The following MAD1L1 variants were observed in gnomAD, a reference collection of about 807,000 sequenced individuals.
MAD1L1 encodes the protein mitotic spindle assembly checkpoint protein MAD1.
Under a neutral mutation model 96.9 loss-of-function variants are expected in MAD1L1, and 95 were observed. That is an observed-to-expected ratio of 0.98 (90% confidence interval 0.83 to 1.16). MAD1L1 has a LOEUF of 1.16. Among genes scored for constraint, MAD1L1 ranks in the 50% most tolerant of loss-of-function variants. The pLI is 0.00. For missense variants in MAD1L1, 1,007 were observed against 954.4 expected, an observed-to-expected ratio of 1.06 and a Z score of -0.73; for synonymous variants, 473 against 396.6, an observed-to-expected ratio of 1.19 and a Z score of -2.29.
intron 14 of MAD1L1, among the ~76,000 whole-genome samples, chr7:1,981,613 C>T (rs55790766): frequency 0.16 from 24,843 of 152,096 alleles, 2,645 homozygotes; most frequent in South Asian, 0.31. Context: ...CACTCCGTCA[C>T]GAAGGGAGGA....
chr7:1,856,496 C>G (rs1290562496), intron 18 of MAD1L1, among the ~76,000 whole-genome samples: 2 of 152,262 alleles, frequency 1.3e-5, no homozygotes, highest in Non-Finnish European at 1.5e-5. Context: ...CGCTGGCCAG[C>G]TGTCGGCTAA....
At chr7:2,213,779 G>C (rs1274456734) in intron 9 of MAD1L1, among the ~76,000 whole-genome samples, 1 of 152,214 alleles carries the variant, frequency 6.6e-6, no homozygotes, top group African/African-American at 2.4e-5. Flanking sequence ...CCTGGAGCAT[G>C]AGGGAGGGTG....
At chr7:1,881,625 T>C (rs1785685961) in intron 18 of MAD1L1, among the ~76,000 whole-genome samples, 2 of 152,196 alleles carry the variant, frequency 1.3e-5, no homozygotes, top group Admixed American at 1.3e-4. Context: ...ATGCAACCAT[T>C]AAACACCATC....
At chr7:2,152,497 A>G (rs1305180991) in intron 10 of MAD1L1, among the ~76,000 whole-genome samples, 2 of 152,240 alleles carry the variant, frequency 1.3e-5, no homozygotes, top group Non-Finnish European at 2.9e-5. Flanking sequence ...ACCAGGGTTC[A>G]GCTTCCACTC....
chr7:1,958,259 C>T (rs1165031563), intron 15 of MAD1L1, among the ~76,000 whole-genome samples: 1 of 152,222 alleles, frequency 6.6e-6, no homozygotes, highest in Non-Finnish European at 1.5e-5. Flanking sequence ...GAGTTCCCTT[C>T]TCCACAGTGG....
chr7:1,980,595 T>G, intron 14 of MAD1L1, 54 bp from the exon 15 acceptor site: 1 of 1,462,230 alleles, frequency 6.8e-7, no homozygotes, highest in Non-Finnish European at 9.4e-7. Context: ...CCCAGGTGTG[T>G]GGGGAACCCC....
At chr7:2,128,064 G>C (rs989953746) in intron 11 of MAD1L1, among the ~76,000 whole-genome samples, 1 of 152,240 alleles carries the variant, frequency 6.6e-6, no homozygotes, top group South Asian at 2.1e-4. Context: ...AATCACAGTC[G>C]TCGGTTACAA....
intron 10 of MAD1L1, among the ~76,000 whole-genome samples, chr7:2,185,878 G>A (rs1214317710): frequency 6.6e-6 from 1 of 152,234 alleles, no homozygotes; most frequent in African/African-American, 2.4e-5. Flanking sequence ...CCTTGGGCCA[G>A]GGTGGGCAGC....
intron 14 of MAD1L1, among the ~76,000 whole-genome samples, chr7:1,989,197 C>T (rs1020348911): frequency 6.6e-6 from 1 of 152,182 alleles, no homozygotes; most frequent in Admixed American, 6.5e-5. Context: ...AGCCACTCCA[C>T]ACCCGCCAGG....
At chr7:2,124,176 A>G (rs1245215311) in intron 11 of MAD1L1, among the ~76,000 whole-genome samples, 3 of 152,218 alleles carry the variant, frequency 2.0e-5, no homozygotes, top group East Asian at 3.9e-4. Flanking sequence ...CTCGCAGAGC[A>G]GCAAGGCAGG....
intron 14 of MAD1L1, among the ~76,000 whole-genome samples, chr7:1,984,564 T>A (rs1293531242): frequency 6.6e-6 from 1 of 152,260 alleles, no homozygotes; most frequent in Non-Finnish European, 1.5e-5. Context: ...AGCGGTGATG[T>A]GTTATTTGGC....
intron 10 of MAD1L1, 41 bp from the exon 11 acceptor site, chr7:2,149,279 G>A (rs561977782): frequency 4.8e-5 from 73 of 1,517,954 alleles, no homozygotes; most frequent in Non-Finnish European, 5.8e-5. Flanking sequence ...AGCTGTCCCC[G>A]AGAAGTAAAC....
intron 5 of MAD1L1, 85 bp downstream of exon 5, chr7:2,222,490 C>T: frequency 8.0e-7 from 1 of 1,252,932 alleles, no homozygotes; most frequent in Non-Finnish European, 1.1e-6. Context: ...AGTGAAAACA[C>T]AAGCGGGCAC....
intron 12 of MAD1L1, among the ~76,000 whole-genome samples, chr7:2,057,631 T>C (rs1784437872): frequency 6.6e-6 from 1 of 152,174 alleles, no homozygotes; most frequent in Admixed American, 6.5e-5. Context: ...CCACCTGTAT[T>C]ATATGCTTTG....
chr7:1,819,562 G>A (rs1451570524), intron 18 of MAD1L1, among the ~76,000 whole-genome samples: 2 of 152,218 alleles, frequency 1.3e-5, no homozygotes, highest in African/African-American at 4.8e-5. Context: ...CAGGGATTGT[G>A]TGCCCGGCCC....
chr7:1,846,544 G>C (rs1337262976), intron 18 of MAD1L1: 1 of 154,210 alleles, frequency 6.5e-6, no homozygotes, highest in African/African-American at 2.4e-5. Flanking sequence ...GGCCAAGTGT[G>C]TCCAGCCACG....
chr7:1,927,115 C>CAAAT (rs1354001512), intron 17 of MAD1L1, among the ~76,000 whole-genome samples: 1 of 151,338 alleles, frequency 6.6e-6, no homozygotes, highest in Non-Finnish European at 1.5e-5. Context: ...AACAAGCCTA[C>CAAAT]AAATAATTAC....
intron 11 of MAD1L1, among the ~76,000 whole-genome samples, chr7:2,075,511 G>A (rs1031156376): frequency 2.0e-5 from 3 of 152,120 alleles, no homozygotes; most frequent in Non-Finnish European, 4.4e-5. Flanking sequence ...ACTGAACTCT[G>A]AGGTCACTGG....
intron 18 of MAD1L1, among the ~76,000 whole-genome samples, chr7:1,816,737 G>A (rs947846597): frequency 1.3e-5 from 2 of 152,172 alleles, no homozygotes; most frequent in Middle Eastern, 3.4e-3. Context: ...ACTGGAGAAC[G>A]GGCAAGGAGG....
Sources: allele counts gnomAD v4.1 joint callset (sites outside exome capture counted in the v4.1 genomes callset), GRCh38; gene constraint gnomAD v4.1.1; transcripts MANE v1.5; gene names NCBI Gene and HGNC (gene_info 2026-07-23, HGNC 2026-07-21).